FGF14: variants seen among roughly 807,000 people sequenced by gnomAD.
The protein encoded by FGF14 is fibroblast growth factor 14, also known as fibroblast growth factor homologous factor 4.
A neutral mutation model predicts 25.5 loss-of-function variants in FGF14; 5 were observed. That is an observed-to-expected ratio of 0.20 (90% CI 0.10 to 0.41). FGF14 has a LOEUF of 0.41. Ranked by LOEUF, FGF14 falls within the 10% of genes least tolerant of loss-of-function variation. FGF14 has a pLI of 1.00. For missense variants in FGF14, 222 were observed against 320.1 expected (o/e 0.69, Z 2.34); for synonymous variants, 138 against 118.3 (o/e 1.17, Z -1.08).
intron 3 of FGF14, among the ~76,000 whole-genome samples, chr13:101,732,531 C>T (rs932886297): frequency 2.0e-5 from 3 of 152,262 alleles, no homozygotes; most frequent in African/African-American, 7.2e-5. Flanking sequence ...CAATAATGAC[C>T]CTCATCCTGG....
chr13:102,248,720 C>T (rs115971414), intron 1 of FGF14, among the ~76,000 whole-genome samples: 109 of 152,046 alleles, frequency 7.2e-4, no homozygotes, highest in Middle Eastern at 3.4e-3. Flanking sequence ...TGTTTTAGGA[C>T]GGCTTCAGGT....
chr13:102,304,301 T>G (rs1369453041), intron 1 of FGF14, among the ~76,000 whole-genome samples: 1 of 152,124 alleles, frequency 6.6e-6, no homozygotes, highest in Non-Finnish European at 1.5e-5. Context: ...TACTCTGTTT[T>G]GGAATTGTCT....
chr13:102,359,005 C>T (rs559986503), intron 1 of FGF14, among the ~76,000 whole-genome samples: 3 of 152,230 alleles, frequency 2.0e-5, no homozygotes, highest in African/African-American at 7.2e-5. Flanking sequence ...GGAATGAGAT[C>T]ATGTCCTTTG....
At chr13:102,240,780 C>T (rs1466804491) in intron 1 of FGF14, among the ~76,000 whole-genome samples, 1 of 151,732 alleles carries the variant, frequency 6.6e-6, no homozygotes, top group Non-Finnish European at 1.5e-5. Flanking sequence ...CATGTAAATT[C>T]CAGAAGGATT....
chr13:101,932,095 C>G (rs2034790981), intron 1 of FGF14, among the ~76,000 whole-genome samples: 1 of 152,176 alleles, frequency 6.6e-6, no homozygotes, highest in Non-Finnish European at 1.5e-5. Context: ...AAACGCATTT[C>G]TTTCATATGC....
intron 3 of FGF14, among the ~76,000 whole-genome samples, chr13:101,805,717 T>C (rs2041157481): frequency 1.3e-5 from 2 of 152,250 alleles, no homozygotes; most frequent in Admixed American, 1.3e-4. Context: ...GTACAATAAA[T>C]ATAACATTCT....
chr13:102,184,516 A>G (rs2048802090), intron 1 of FGF14, among the ~76,000 whole-genome samples: 1 of 152,178 alleles, frequency 6.6e-6, no homozygotes, highest in African/African-American at 2.4e-5. Context: ...ATTTTCCTGA[A>G]GTAAAGTGGT....
At chr13:102,280,819 G>C (rs766248494) in intron 1 of FGF14, among the ~76,000 whole-genome samples, 1 of 152,152 alleles carries the variant, frequency 6.6e-6, no homozygotes, top group Non-Finnish European at 1.5e-5. Flanking sequence ...GTGAACATGA[G>C]AACAGGTGCC....
intron 1 of FGF14, among the ~76,000 whole-genome samples, chr13:101,891,656 A>G (rs2029861549): frequency 6.6e-6 from 1 of 152,112 alleles, no homozygotes; most frequent in Non-Finnish European, 1.5e-5. Context: ...TTATGTAAAT[A>G]CACAAATCTA....
intron 1 of FGF14, among the ~76,000 whole-genome samples, chr13:101,985,226 G>A (rs2038506436): frequency 6.6e-6 from 1 of 151,898 alleles, no homozygotes; most frequent in South Asian, 2.1e-4. Context: ...GAAGCTTAAG[G>A]TATGGAGGGA....
At chr13:102,171,776 G>A (rs566793272) in intron 1 of FGF14, among the ~76,000 whole-genome samples, 2 of 151,888 alleles carry the variant, frequency 1.3e-5, no homozygotes, top group Non-Finnish European at 2.9e-5. Flanking sequence ...TTTTATGAGA[G>A]CTGTTATCCT....
At position 102,266,359 on chromosome 13, in the gene FGF14, G is replaced by A. The variant is rs113400377; in HGVS notation, c.208+135112C>T. ...GAGAGGAACCTCCCTCTTTGTAATT[G>A]CATACCGAGGTCACCATATCAGTGA... On this transcript the variant is annotated intron_variant, in intron 1 of 4. Transcript: ENST00000376131. Among the ~76,000 whole-genome samples the A allele has an allele frequency of 5.2e-3, 794 of 152,214 alleles. 3 individuals carry two copies. Among genetic ancestry groups the A allele is most frequent in the Non-Finnish European group, 8.5e-3 (580 of 68,006 alleles).
chr13:102,205,572 G>T lies in FGF14; in HGVS notation c.208+195899C>A, dbSNP rs936018760. 2.0e-5 allele frequency among the ~76,000 whole-genome samples: 3 copies of T among 151,868 alleles called. No homozygotes were observed. The East Asian group carries it at 5.8e-4, about 30-fold the overall frequency. On this transcript the variant is annotated intron_variant, in intron 1 of 4. Coordinates refer to the FGF14 transcript ENST00000376131. ...TTGCCTTCAAGGGTCAGAGGGGGAG[G>T]AATTAATAAACCACAGGAAGAAATT...
intron 2 of FGF14, 76 bp from the exon 3 acceptor site, chr13:101,868,904 AT>A: frequency 1.1e-6 from 1 of 930,134 alleles, no homozygotes; most frequent in Non-Finnish European, 1.8e-6. Flanking sequence ...TTTCTGATTT[AT>A]TTTATTTAAG....
intron 1 of FGF14, among the ~76,000 whole-genome samples, chr13:102,296,352 C>T (rs2054710332): frequency 6.6e-6 from 1 of 152,074 alleles, no homozygotes; most frequent in African/African-American, 2.4e-5. Flanking sequence ...TTTGAGTTAT[C>T]GTGGTTTGCA....
intron 1 of FGF14, among the ~76,000 whole-genome samples, chr13:101,962,946 T>C (rs1387886534): frequency 6.6e-6 from 1 of 152,242 alleles, no homozygotes; most frequent in African/African-American, 2.4e-5. Context: ...GAGTGTTAAC[T>C]GTTATTACTA....
chr13:102,362,611 GT>G (rs2057597963), intron 1 of FGF14, among the ~76,000 whole-genome samples: 1 of 152,162 alleles, frequency 6.6e-6, no homozygotes, highest in African/African-American at 2.4e-5. Flanking sequence ...AAAATCAGCT[GT>G]TACCTCTATG....
chr13:101,997,699 T>C (rs2039260301), intron 1 of FGF14, among the ~76,000 whole-genome samples: 1 of 152,136 alleles, frequency 6.6e-6, no homozygotes, highest in Non-Finnish European at 1.5e-5. Flanking sequence ...TATAACATAA[T>C]TGCAGCATAC....
At chr13:102,237,417 G>A (rs554562022) in intron 1 of FGF14, among the ~76,000 whole-genome samples, 1 of 152,284 alleles carries the variant, frequency 6.6e-6, no homozygotes, top group African/African-American at 2.4e-5. Context: ...AAATCCCTGG[G>A]AATAGAGGCT....
Sources: gnomAD v4.1 joint callset for allele counts (sites outside exome capture counted in the v4.1 genomes callset) on GRCh38, gnomAD v4.1.1 for gene constraint, MANE v1.5 for transcripts, NCBI Gene and HGNC (gene_info 2026-07-23, HGNC 2026-07-21) for gene names.